RTN1: variants seen among roughly 807,000 people sequenced by gnomAD.
RTN1 encodes reticulon 1, also known as reticulon-1.
A neutral mutation model predicts 65.5 loss-of-function variants in RTN1; 25 were observed. That is an observed-to-expected ratio of 0.38 (90% CI 0.28 to 0.53). The LOEUF (loss-of-function observed/expected upper bound fraction) is 0.53. RTN1 is among the 20% of genes least tolerant of loss of function. The pLI is 0.79. For missense variants in RTN1, 983 were observed against 1,025.4 expected, an observed-to-expected ratio of 0.96 and a Z score of 0.57; for synonymous variants, 471 against 447.6, an observed-to-expected ratio of 1.05 and a Z score of -0.66.
chr14:59,749,683 A>C (rs1437059442), intron 1 of RTN1, among the ~76,000 whole-genome samples: 16 of 96,390 alleles, frequency 1.7e-4, no homozygotes, highest in East Asian at 7.9e-4. Flanking sequence ...ATATATCTAT[A>C]TATTTACATA....
chr14:59,634,373 CTG>C (rs1882619659), intron 3 of RTN1, among the ~76,000 whole-genome samples: 1 of 152,154 alleles, frequency 6.6e-6, no homozygotes, highest in African/African-American at 2.4e-5. Flanking sequence ...TCAAAGAACA[CTG>C]AGAACTCTAT....
rs191663023 is a variant in RTN1 at position 59,762,321 on chromosome 14, A to G, written c.242-15840T>C. Among the ~76,000 whole-genome samples, 23 of 152,332 alleles carry G rather than the reference A, an allele frequency of 1.5e-4. No homozygotes were observed. In the East Asian group the frequency reaches 3.7e-3, roughly 24 times the overall value. On this transcript the variant is annotated intron_variant, in intron 1 of 8. Transcript: ENST00000267484. ...TTTCCTCACTTGCAAAAGGAGGATA[A>G]TAACAACTAACATTTAAAATATATG...
At chr14:59,789,651 C>T (rs537355366) in intron 1 of RTN1, among the ~76,000 whole-genome samples, 432 of 152,086 alleles carry the variant, frequency 2.8e-3, no homozygotes, top group Non-Finnish European at 4.6e-3. Flanking sequence ...TAACAACATG[C>T]TTGGGACCAA....
At chr14:59,744,530 T>C (rs1457706191) in intron 2 of RTN1, among the ~76,000 whole-genome samples, 2 of 152,344 alleles carry the variant, frequency 1.3e-5, no homozygotes, top group Admixed American at 1.3e-4. Flanking sequence ...AGAAAGAGAA[T>C]GTTCAAGTTA....
At chr14:59,666,309 T>C (rs542654913) in intron 3 of RTN1, among the ~76,000 whole-genome samples, 9 of 152,248 alleles carry the variant, frequency 5.9e-5, no homozygotes, top group Non-Finnish European at 1.3e-4. Context: ...CACAACTACA[T>C]GGAAACTGAA....
chr14:59,812,835 T>C (rs1007690911), intron 1 of RTN1, among the ~76,000 whole-genome samples: 5 of 152,228 alleles, frequency 3.3e-5, no homozygotes, highest in Admixed American at 1.3e-4. Flanking sequence ...CACTGAAATA[T>C]AGCACAATCT....
At chr14:59,782,673 A>C (rs1328160717) in intron 1 of RTN1, among the ~76,000 whole-genome samples, 1 of 152,220 alleles carries the variant, frequency 6.6e-6, no homozygotes, top group East Asian at 1.9e-4. Flanking sequence ...ATGCTTGATA[A>C]TGATTTTCTA....
intron 1 of RTN1, among the ~76,000 whole-genome samples, chr14:59,749,627 A>ATCTATATATATT (rs1885378942): frequency 2.3e-5 from 1 of 43,724 alleles, no homozygotes; most frequent in South Asian, 5.7e-4. Flanking sequence ...ATAGATATCT[A>ATCTATATATATT]TATATAGATA....
At chr14:59,663,689 T>G (rs1030101842) in intron 3 of RTN1, among the ~76,000 whole-genome samples, 2 of 151,056 alleles carry the variant, frequency 1.3e-5, no homozygotes, top group Non-Finnish European at 2.9e-5. Context: ...CACTTCTCAA[T>G]AGAAGACATT....
intron 1 of RTN1, among the ~76,000 whole-genome samples, chr14:59,747,957 G>A (rs1333262550): frequency 6.6e-6 from 1 of 152,114 alleles, no homozygotes; most frequent in East Asian, 1.9e-4. Context: ...ACATGCGAGT[G>A]CTTGCTATGT....
At chr14:59,852,670 C>T (rs1167480795) in intron 1 of RTN1, among the ~76,000 whole-genome samples, 2 of 152,180 alleles carry the variant, frequency 1.3e-5, no homozygotes, top group Admixed American at 1.3e-4. Context: ...CTGGTAGAGC[C>T]ATGACTGGAA....
chr14:59,857,618 C>G (rs1887631610), intron 1 of RTN1, among the ~76,000 whole-genome samples: 1 of 152,172 alleles, frequency 6.6e-6, no homozygotes, highest in East Asian at 1.9e-4. Context: ...CCTCTTTATT[C>G]CCATGGTTAC....
In RTN1 at chr14:59,746,490, C is replaced by G. The variant is rs112705146; in HGVS notation, c.242-9G>C. The G allele has an allele frequency of 1.2e-3, 1,924 of 1,565,768 alleles. 24 individuals are homozygous for G. The African/African-American group carries it at 0.023, about 19-fold the overall frequency. On this transcript the variant is annotated splice_polypyrimidine_tract_variant and intron_variant, in intron 1 of 8. Transcript: ENST00000267484. The stretch of plus-strand genomic sequence containing the variant: ...GGAAACACCTGCCACACCTATGAAT[C>G]AAAGCAGCAGCAGACAGTGAGTGGG...
chr14:59,845,359 C>G (rs1887389098), intron 1 of RTN1, among the ~76,000 whole-genome samples: 1 of 152,162 alleles, frequency 6.6e-6, no homozygotes. Flanking sequence ...TCTCACTTAA[C>G]AACATCACTA....
chr14:59,666,962 C>CAAAAAAA (rs146213616), intron 3 of RTN1, among the ~76,000 whole-genome samples: 5 of 60,132 alleles, frequency 8.3e-5, no homozygotes, highest in South Asian at 6.8e-4. Context: ...GCCGACCAAC[C>CAAAAAAA]AAAAAAAAAA....
intron 3 of RTN1, among the ~76,000 whole-genome samples, chr14:59,658,032 G>A (rs934450787): frequency 6.6e-5 from 10 of 152,312 alleles, no homozygotes; most frequent in South Asian, 4.1e-4. Context: ...GTCTGAAGTC[G>A]ACCTGGGACG....
intron 3 of RTN1, among the ~76,000 whole-genome samples, chr14:59,680,089 T>C (rs1407646661): frequency 2.0e-5 from 3 of 152,168 alleles, no homozygotes; most frequent in Non-Finnish European, 4.4e-5. Context: ...TCTATTTCCA[T>C]GGTACCTGTT....
At chr14:59,689,214 CA>C (rs1232142393) in intron 3 of RTN1, among the ~76,000 whole-genome samples, 3 of 152,010 alleles carry the variant, frequency 2.0e-5, no homozygotes, top group Non-Finnish European at 2.9e-5. Flanking sequence ...GAAAGAATTT[CA>C]GTGCGTGAAG....
Position 59,816,699 on chromosome 14 carries a change from C to T in RTN1, c.241+53691G>A, listed in dbSNP as rs1886827019. On this transcript the variant is annotated intron_variant, in intron 1 of 8. Transcript: ENST00000267484. This position sits in a 1 kb window ranked among gnomAD's most constrained non-coding sequence, Gnocchi z 4.3. ...CTGTAATCCCAGCACTTTAGGAGGC[C>T]GAGGCTGGCGAATCACTTGAGTCCA... Among the ~76,000 whole-genome samples, 1 of 152,024 alleles carries T rather than the reference C, an allele frequency of 6.6e-6. No homozygotes were observed. Among genetic ancestry groups the T allele is most frequent in the Non-Finnish European group, 1.5e-5 (1 of 67,992 alleles).
Sources: allele counts gnomAD v4.1 joint callset (sites outside exome capture counted in the v4.1 genomes callset), GRCh38; gene constraint gnomAD v4.1.1; non-coding constraint Gnocchi (gnomAD v3.1); transcripts MANE v1.5; gene names NCBI Gene and HGNC (gene_info 2026-07-23, HGNC 2026-07-21).